Variants in CTNNA1 observed in about 807,000 individuals in gnomAD.
The protein encoded by CTNNA1 is catenin alpha-1.
In CTNNA1, 37 loss-of-function variants were observed where a neutral mutation model predicts 98.4. That is an observed-to-expected ratio of 0.38 (90% CI 0.29 to 0.49). CTNNA1 has a LOEUF of 0.49. Ranked by LOEUF, CTNNA1 falls within the 20% of genes least tolerant of loss-of-function variation. CTNNA1 has a pLI of 0.95. For synonymous variants in CTNNA1, 404 were observed against 413.2 expected, an observed-to-expected ratio of 0.98 and a Z score of 0.27; for missense variants, 761 against 1,147.2, an observed-to-expected ratio of 0.66 and a Z score of 4.86.
intron 9 of CTNNA1, among the ~76,000 whole-genome samples, chr5:138,895,190 G>T (rs1756499978): frequency 6.6e-6 from 1 of 152,110 alleles, no homozygotes; most frequent in Non-Finnish European, 1.5e-5. Flanking sequence ...CATTAGAGTT[G>T]CCCAGGTGCT....
intron 11 of CTNNA1, among the ~76,000 whole-genome samples, chr5:138,921,790 G>A (rs1561747753): frequency 6.6e-6 from 1 of 151,456 alleles, no homozygotes; most frequent in Non-Finnish European, 1.5e-5. Flanking sequence ...TAGTAGAGAC[G>A]GGGTTTCACC....
At chr5:138,834,859 C>T (rs965100676) in intron 7 of CTNNA1, among the ~76,000 whole-genome samples, 1 of 152,000 alleles carries the variant, frequency 6.6e-6, no homozygotes. Context: ...TGGGTGCGGG[C>T]GGGCTGAGTC....
Position 138,904,413 on chromosome 5 carries a change from C to T in CTNNA1, c.1361C>T (p.Ala454Val), listed in dbSNP as rs777109167. 5.0e-6 allele frequency: 8 copies of T among 1,613,986 alleles called. No individual in the cohort carries two copies. Among genetic ancestry groups the T allele is most frequent in the Non-Finnish European group, 6.8e-6 (8 of 1,179,952 alleles). Residue 454 changes from alanine to valine, a missense_variant, in exon 10 of 18, where the codon GCA (alanine) becomes GTA (valine). Physicochemically the swap from Ala to Val is moderately conservative, Grantham distance 64. Coordinates refer to ENST00000302763, the MANE Select transcript of CTNNA1 (RefSeq NM_001903.5). ...GGTGTAAAGCTTGTTCGAATGTCTG[C>T]AAGCCAGTTAGAAGCCCTCTGTCCT... ...EEGVKLVRMSASQLEALCPQV... is the reference protein window; with the variant it reads ...EEGVKLVRMSVSQLEALCPQV...
chr5:138,898,922 T>TGAA (rs1268451319), intron 9 of CTNNA1, among the ~76,000 whole-genome samples: 1 of 152,224 alleles, frequency 6.6e-6, no homozygotes, highest in African/African-American at 2.4e-5. Context: ...TTTGACTTTC[T>TGAA]AGGTTACTAA....
chr5:138,854,588 G>A (rs73263439), intron 7 of CTNNA1, among the ~76,000 whole-genome samples: 1,873 of 152,278 alleles, frequency 0.012, 40 homozygotes, highest in African/African-American at 0.038. Flanking sequence ...TAGAAATTAT[G>A]TGGTACAGTG....
chr5:138,821,893 A>G (rs1408114162), intron 5 of CTNNA1, among the ~76,000 whole-genome samples: 2 of 152,188 alleles, frequency 1.3e-5, no homozygotes, highest in African/African-American at 4.8e-5. Context: ...TATATCTTGA[A>G]AAGAGTACTT....
At chr5:138,845,522 AGACATTTT>A (rs1762634982) in intron 7 of CTNNA1, among the ~76,000 whole-genome samples, 1 of 152,244 alleles carries the variant, frequency 6.6e-6, no homozygotes, top group South Asian at 2.1e-4. Flanking sequence ...GTATCGACTA[AGACATTTT>A]AAAATGTGTT....
chr5:138,868,610 C>CT (rs1253314292), intron 7 of CTNNA1, among the ~76,000 whole-genome samples: 3 of 152,192 alleles, frequency 2.0e-5, no homozygotes, highest in African/African-American at 7.2e-5. Flanking sequence ...ACTCCATGCC[C>CT]TGTGAGCCTG....
At chr5:138,845,014 C>T (rs147691095) in intron 7 of CTNNA1, among the ~76,000 whole-genome samples, 69 of 152,262 alleles carry the variant, frequency 4.5e-4, no homozygotes, top group African/African-American at 1.6e-3. Flanking sequence ...GTTTGTTTTT[C>T]TCCCTTTAAT....
At position 138,873,235 on chromosome 5, in the gene CTNNA1, G is replaced by A; in HGVS notation, c.1063-12977G>A. 2 of 1,613,676 alleles carry A rather than the reference G, an allele frequency of 1.2e-6. No homozygotes were observed. The highest frequency in any genetic ancestry group is 1.7e-6 in the Non-Finnish European group (2 of 1,179,714). ...TGGGAGGGCAGCACTTCCTGGAGAT[G>A]AACACTATAAAAATAATAAAAAAGA... On this transcript the variant is annotated intron_variant, in intron 7 of 17. Coordinates refer to ENST00000302763, the MANE Select transcript of CTNNA1 (RefSeq NM_001903.5). The surrounding 1 kb of genome is among the most constrained non-coding windows in gnomAD (Gnocchi z 6.1).
intron 10 of CTNNA1, among the ~76,000 whole-genome samples, chr5:138,914,935 C>T (rs1055944344): frequency 1.3e-5 from 2 of 152,082 alleles, no homozygotes; most frequent in African/African-American, 4.8e-5. Context: ...ATCACAAGGT[C>T]AGGAGATCGA....
chr5:138,891,527 G>A (rs1354361769), intron 9 of CTNNA1, among the ~76,000 whole-genome samples: 1 of 152,186 alleles, frequency 6.6e-6, no homozygotes, highest in East Asian at 1.9e-4. Context: ...TTTGGAGGCG[G>A]AGGTGGGCAG....
At chr5:138,814,611 A>C (rs1759220200) in intron 5 of CTNNA1, among the ~76,000 whole-genome samples, 1 of 152,250 alleles carries the variant, frequency 6.6e-6, no homozygotes, top group Admixed American at 6.5e-5. Flanking sequence ...TTTAAAAGAT[A>C]CAATTTGGCA....
chr5:138,753,687 G>T, intron 1 of CTNNA1, 177 bp downstream of exon 1: 1 of 334,260 alleles, frequency 3.0e-6, no homozygotes. Flanking sequence ...GACCCGCGTC[G>T]GGCCGGCGGT....
chr5:138,926,786 A>C (rs1764151362), intron 13 of CTNNA1, among the ~76,000 whole-genome samples: 2 of 151,404 alleles, frequency 1.3e-5, no homozygotes, highest in African/African-American at 2.4e-5. Context: ...GTTTCTCCCC[A>C]TCTCCTCAGC....
At position 138,874,471 on chromosome 5, in the gene CTNNA1, C is replaced by T; in HGVS notation, c.1063-11741C>T. The T allele has an allele frequency of 1.9e-6, 3 of 1,612,898 alleles. No individual in the cohort carries two copies. The highest frequency in any genetic ancestry group is 2.5e-6 in the Non-Finnish European group (3 of 1,179,388). On this transcript the variant is annotated intron_variant, in intron 7 of 17. Transcript: ENST00000302763. This position sits in a 1 kb window ranked among gnomAD's most constrained non-coding sequence, Gnocchi z 4.1. ...GGCATTTGGGTGGACACGCCATACC[C>T]AGGGCAGGCAGCATTTTTAAAACCA... is the stretch of plus-strand genomic sequence containing the variant.
intron 8 of CTNNA1, 35 bp from the exon 9 acceptor site, chr5:138,887,455 G>T: frequency 6.6e-7 from 1 of 1,519,370 alleles, no homozygotes; most frequent in East Asian, 2.3e-5. Flanking sequence ...CTTTTTGGTA[G>T]AAATAAAATC....
intron 16 of CTNNA1, 105 bp downstream of exon 16, chr5:138,931,040 A>G (rs920678732): frequency 1.4e-6 from 1 of 705,130 alleles, no homozygotes; most frequent in African/African-American, 1.8e-5. Flanking sequence ...CACTTTTGCC[A>G]CTCATCTCTA....
At chr5:138,933,568 G>A (rs1037548115) in intron 17 of CTNNA1, among the ~76,000 whole-genome samples, 3 of 152,202 alleles carry the variant, frequency 2.0e-5, no homozygotes, top group Admixed American at 1.3e-4. Context: ...TGAGCAAGGC[G>A]AGGTTGCCTC....
Sources: gnomAD v4.1 joint callset for allele counts (sites outside exome capture counted in the v4.1 genomes callset) on GRCh38, gnomAD v4.1.1 for gene constraint, Gnocchi (gnomAD v3.1) non-coding constraint, MANE v1.5 for transcripts, NCBI Gene and HGNC (gene_info 2026-07-23, HGNC 2026-07-21) for gene names.